Variants in DLGAP1 observed in about 807,000 individuals in gnomAD.
The protein encoded by DLGAP1 is disks large-associated protein 1.
DLGAP1 carries 11 observed loss-of-function variants against 90.8 expected under a neutral mutation model. That is an observed-to-expected ratio of 0.12 (90% CI 0.08 to 0.20). The LOEUF (loss-of-function observed/expected upper bound fraction) is 0.20, where lower values mean the gene tolerates loss of function less well. Ranked by LOEUF, DLGAP1 falls within the 10% of genes least tolerant of loss-of-function variation. The pLI is 1.00. For missense variants in DLGAP1, 1,050 were observed against 1,333.8 expected (o/e 0.79, Z 3.31); for synonymous variants, 558 against 540.7 (o/e 1.03, Z -0.44).
chr18:4,086,737 T>C (rs915271259), intron 2 of DLGAP1, among the ~76,000 whole-genome samples: 1 of 152,076 alleles, frequency 6.6e-6, no homozygotes, highest in Non-Finnish European at 1.5e-5. Context: ...TGGTGAATGC[T>C]CCATATGCAC....
chr18:3,642,740 T>C (rs1851616530), intron 7 of DLGAP1, among the ~76,000 whole-genome samples: 1 of 152,236 alleles, frequency 6.6e-6, no homozygotes, highest in Non-Finnish European at 1.5e-5. Flanking sequence ...CAACAAATGT[T>C]AGCTCTTTGT....
At chr18:3,761,988 G>A (rs565316080) in intron 5 of DLGAP1, among the ~76,000 whole-genome samples, 1 of 152,176 alleles carries the variant, frequency 6.6e-6, no homozygotes, top group South Asian at 2.1e-4. Flanking sequence ...CTAACATTTG[G>A]GGACCAACAC....
At chr18:3,884,191 CTG>C in intron 3 of DLGAP1, among the ~76,000 whole-genome samples, 1 of 152,182 alleles carries the variant, frequency 6.6e-6, no homozygotes, top group East Asian at 1.9e-4. Context: ...TTTAGCAAAA[CTG>C]TGGCACAAAC....
At position 4,056,006 on chromosome 18, in the gene DLGAP1, A is replaced by G. The variant is rs188150287; in HGVS notation, c.-158-50805T>C. 3.9e-5 allele frequency among the ~76,000 whole-genome samples: 6 copies of G among 152,292 alleles called. No individual in the cohort carries two copies. In the East Asian group the frequency reaches 1.2e-3, roughly 29 times the overall value. On this transcript the variant is annotated intron_variant, in intron 2 of 12. Coordinates refer to ENST00000315677, the MANE Select transcript of DLGAP1 (RefSeq NM_004746.4). ...GTGTATACTTTTACAAAGGATGTAT[A>G]TATGCGGGGAAGGGGAAAAATAGAG...
intron 7 of DLGAP1, among the ~76,000 whole-genome samples, chr18:3,699,007 C>A (rs1240193611): frequency 6.6e-6 from 1 of 152,016 alleles, no homozygotes; most frequent in East Asian, 1.9e-4. Context: ...CATTTATGTT[C>A]TTCTCTAATC....
intron 3 of DLGAP1, among the ~76,000 whole-genome samples, chr18:3,990,677 T>A (rs1282353094): frequency 6.9e-6 from 1 of 145,486 alleles, no homozygotes; most frequent in Non-Finnish European, 1.5e-5. Context: ...AAGAAATTAC[T>A]ACTTGTTGAG....
At chr18:4,051,443 G>C (rs536756114) in intron 2 of DLGAP1, among the ~76,000 whole-genome samples, 2 of 152,276 alleles carry the variant, frequency 1.3e-5, no homozygotes, top group South Asian at 2.1e-4. Flanking sequence ...AAAGTGAAGT[G>C]GGGGGAAAGC....
chr18:4,320,717 TACACACACACAC>T (rs71160954), intron 1 of DLGAP1, among the ~76,000 whole-genome samples: 4,131 of 146,866 alleles, frequency 0.028, 175 homozygotes, highest in African/African-American at 0.083. Context: ...ATTACAATTT[TACACACACACAC>T]ACACACACAC....
chr18:3,960,602 C>A (rs1008469510), intron 3 of DLGAP1, among the ~76,000 whole-genome samples: 1 of 152,186 alleles, frequency 6.6e-6, no homozygotes, highest in Non-Finnish European at 1.5e-5. Context: ...AACTTGAAAC[C>A]TAAATTGCTG....
chr18:4,003,924 T>C (rs2074249319), intron 3 of DLGAP1, among the ~76,000 whole-genome samples: 1 of 152,106 alleles, frequency 6.6e-6, no homozygotes, highest in Non-Finnish European at 1.5e-5. Context: ...CAGAGAAGTG[T>C]CAAAGAACTG....
Position 3,732,536 on chromosome 18 carries a change from TA to T in DLGAP1, c.1351-3162del, listed in dbSNP as rs1333812380. Among the ~76,000 whole-genome samples the T allele has an allele frequency of 2.0e-5, 3 of 152,328 alleles. No individual in the cohort carries two copies. The East Asian group carries it at 5.8e-4, about 29-fold the overall frequency. ...TTTTCAAGATAAATTTGTTCTCTCT[TA>T]TATTCCATATGTAATCGATTTTTAA... On this transcript the variant is annotated intron_variant, in intron 6 of 12. Coordinates refer to ENST00000315677, the MANE Select transcript of DLGAP1 (RefSeq NM_004746.4).
In DLGAP1 at chr18:4,182,902, G is replaced by A. The variant is rs1041779633; in HGVS notation, c.-266-31615C>T. 2.0e-5 allele frequency among the ~76,000 whole-genome samples: 3 copies of A among 152,120 alleles called. No individual in the cohort carries two copies. The East Asian group carries it at 5.8e-4, about 29-fold the overall frequency. On this transcript the variant is annotated intron_variant, in intron 1 of 12. Transcript: ENST00000315677. ...TGATAACACCGAATTCACTTCATAA[G>A]GGTAGAGAGGAAGAAAACAATGTTT... is the stretch of plus-strand genomic sequence containing the variant.
chr18:3,628,248 G>A (rs2058384053), intron 7 of DLGAP1, among the ~76,000 whole-genome samples: 2 of 148,918 alleles, frequency 1.3e-5, no homozygotes, highest in African/African-American at 2.5e-5. Flanking sequence ...GGAGTGCAGT[G>A]GTGTGATCTT....
At chr18:3,949,322 G>C (rs1349910922) in intron 3 of DLGAP1, among the ~76,000 whole-genome samples, 1 of 152,166 alleles carries the variant, frequency 6.6e-6, no homozygotes, top group Admixed American at 6.5e-5. Flanking sequence ...CAAGAGAGAA[G>C]TCAGGGTGTT....
At chr18:3,751,559 T>G (rs981516728) in intron 5 of DLGAP1, among the ~76,000 whole-genome samples, 6 of 128,422 alleles carry the variant, frequency 4.7e-5, no homozygotes, top group Admixed American at 3.1e-4. Context: ...CCCGACAAAA[T>G]TTTTTTTTTT....
At chr18:4,225,417 A>G (rs966440269) in intron 1 of DLGAP1, among the ~76,000 whole-genome samples, 4 of 152,084 alleles carry the variant, frequency 2.6e-5, no homozygotes, top group South Asian at 2.1e-4. Flanking sequence ...ACAAGCATCA[A>G]GACGATCCAG....
chr18:4,099,683 A>C (rs1315208526), intron 2 of DLGAP1, among the ~76,000 whole-genome samples: 1 of 149,720 alleles, frequency 6.7e-6, no homozygotes, highest in Non-Finnish European at 1.5e-5. Flanking sequence ...TGGTTGTGGC[A>C]ATTTCTTTTC....
At chr18:4,093,176 G>A (rs2075615713) in intron 2 of DLGAP1, among the ~76,000 whole-genome samples, 1 of 152,124 alleles carries the variant, frequency 6.6e-6, no homozygotes, top group African/African-American at 2.4e-5. Context: ...ATGCAATGTG[G>A]TTGATGTTTC....
chr18:3,896,308 G>A (rs909662435), intron 3 of DLGAP1: 1 of 151,980 alleles, frequency 6.6e-6, no homozygotes, highest in African/African-American at 2.4e-5. Context: ...ACCAAGAGAC[G>A]CTAGGCTGCC....
Sources: allele counts gnomAD v4.1 joint callset (sites outside exome capture counted in the v4.1 genomes callset), GRCh38; gene constraint gnomAD v4.1.1; transcripts MANE v1.5; gene names NCBI Gene and HGNC (gene_info 2026-07-23, HGNC 2026-07-21).